Variants in ADAMTS2 observed in about 807,000 individuals in gnomAD.
The protein encoded by ADAMTS2 is ADAM metallopeptidase with thrombospondin type 1 motif 2, also known as A disintegrin and metalloproteinase with thrombospondin motifs 2.
ADAMTS2 carries 50 observed loss-of-function variants against 123.0 expected under a neutral mutation model. The ratio of observed to expected loss-of-function variants is 0.41; its 90% CI spans 0.32 to 0.51. ADAMTS2 has a LOEUF of 0.51. Ranked by LOEUF, ADAMTS2 falls within the 20% of genes least tolerant of loss-of-function variation. The pLI, the probability that ADAMTS2 is intolerant of heterozygous loss-of-function variation, is 0.35. For missense variants in ADAMTS2, 1,494 were observed against 1,705.2 expected (o/e 0.88, Z 2.18); for synonymous variants, 678 against 695.4 (o/e 0.98, Z 0.39).
rs61320168 is a variant in ADAMTS2, at chr5:179,125,743, G to A, written c.2750+255C>T. Among the ~76,000 whole-genome samples the A allele has an allele frequency of 0.019, 2,846 of 152,350 alleles. 86 individuals are homozygous for A. The highest frequency in any genetic ancestry group is 0.063 in the African/African-American group (2,633 of 41,588). ...TACAGGGCCAGGAGGCGAGCCCTGCGCCTCTGAACCCCCATTTCCCCATCT... is the reference window on the plus strand; with the variant it reads ...TACAGGGCCAGGAGGCGAGCCCTGCACCTCTGAACCCCCATTTCCCCATCT... On this transcript the variant is annotated intron_variant, in intron 18 of 21. Coordinates refer to ENST00000251582, the MANE Select transcript of ADAMTS2 (RefSeq NM_014244.5).
At chr5:179,319,989 T>A (rs1757113909) in intron 2 of ADAMTS2, among the ~76,000 whole-genome samples, 1 of 152,312 alleles carries the variant, frequency 6.6e-6, no homozygotes, top group South Asian at 2.1e-4. Context: ...TTCAGGCCAC[T>A]CCTGCTGCCC....
intron 4 of ADAMTS2, among the ~76,000 whole-genome samples, chr5:179,186,976 C>T (rs1009769812): frequency 8.5e-5 from 13 of 152,132 alleles, no homozygotes; most frequent in Non-Finnish European, 1.8e-4. Flanking sequence ...GCCTGGCATT[C>T]GGAGCCCTCT....
At chr5:179,313,943 C>T (rs1228317835) in intron 2 of ADAMTS2, among the ~76,000 whole-genome samples, 3 of 126,260 alleles carry the variant, frequency 2.4e-5, no homozygotes, top group Non-Finnish European at 3.4e-5. Flanking sequence ...GCAGAGGGGA[C>T]GCACACGCAT....
intron 21 of ADAMTS2, chr5:179,120,637 C>G (rs1224702114): frequency 6.6e-6 from 1 of 152,060 alleles, no homozygotes; most frequent in Non-Finnish European, 1.5e-5. Context: ...AGGGGGTCGC[C>G]CCCTGGGTGT....
chr5:179,344,749 T>C (rs1757891510), intron 1 of ADAMTS2, among the ~76,000 whole-genome samples: 1 of 151,994 alleles, frequency 6.6e-6, no homozygotes, highest in South Asian at 2.1e-4. Flanking sequence ...TGGAACAGGG[T>C]CCCTCCGATC....
intron 2 of ADAMTS2, among the ~76,000 whole-genome samples, chr5:179,297,194 A>G (rs1336769810): frequency 6.6e-6 from 1 of 152,166 alleles, no homozygotes; most frequent in Non-Finnish European, 1.5e-5. Flanking sequence ...CCTAGACCAC[A>G]GCAGAGGGGC....
In ADAMTS2 at chr5:179,124,966, T is replaced by C. The variant is rs377461767; in HGVS notation, c.2958+7A>G. 5.0e-5 allele frequency: 80 copies of C among 1,597,092 alleles called. No homozygotes were observed. In the African/African-American group the frequency reaches 9.8e-4, roughly 20 times the overall value. ...AGCTGAGGACACGGGATCGGGGGAT[T>C]GCGTACCTGGGACCAGGGCCCGGCT... On this transcript the variant is annotated splice_region_variant and intron_variant, in intron 19 of 21. Coordinates refer to ENST00000251582, the MANE Select transcript of ADAMTS2 (RefSeq NM_014244.5).
In ADAMTS2 at chr5:179,260,909, C is replaced by T. The variant is rs1050109260; in HGVS notation, c.688+12002G>A. Among the ~76,000 whole-genome samples, 1 of 152,106 alleles carries T rather than the reference C, an allele frequency of 6.6e-6. No individual in the cohort carries two copies. Among genetic ancestry groups the T allele is most frequent in the Admixed American group, 6.5e-5 (1 of 15,276 alleles). On this transcript the variant is annotated intron_variant, in intron 3 of 21. Transcript: ENST00000251582. This position sits in a 1 kb window ranked among gnomAD's most constrained non-coding sequence, Gnocchi z 4.2. ...AGTTTTCTCTCTGCTTCCAGGACTA[C>T]CGTGCCTATTAAATGACACCATGAA... is the stretch of plus-strand genomic sequence containing the variant.
chr5:179,341,543 T>TA (rs71589501), intron 2 of ADAMTS2, among the ~76,000 whole-genome samples: 22,034 of 148,286 alleles, frequency 0.15, 1,844 homozygotes, highest in East Asian at 0.3. Flanking sequence ...TACTAAAAAT[T>TA]AAAAAAAAAA....
intron 3 of ADAMTS2, among the ~76,000 whole-genome samples, chr5:179,247,611 G>A (rs1223531469): frequency 6.6e-6 from 1 of 152,124 alleles, no homozygotes; most frequent in African/African-American, 2.4e-5. Context: ...GACAAAAAGA[G>A]AGTCTTGAAA....
intron 11 of ADAMTS2, among the ~76,000 whole-genome samples, chr5:179,138,871 G>A (rs1420358631): frequency 6.6e-6 from 1 of 152,240 alleles, no homozygotes; most frequent in Non-Finnish European, 1.5e-5. Flanking sequence ...AGGAGCGGCC[G>A]CAGAGGCCGG....
intron 2 of ADAMTS2, among the ~76,000 whole-genome samples, chr5:179,295,298 A>G (rs1242335982): frequency 6.6e-6 from 1 of 152,136 alleles, no homozygotes. Flanking sequence ...CAGTAGGCAG[A>G]CCTGATGGAC....
Position 179,343,929 on chromosome 5 carries a change from C to G in ADAMTS2, c.372G>C (p.Leu124=), listed in dbSNP as rs1757857270. The change falls in exon 2 of 22, where the codon CTG becomes CTC. Residue 124 remains leucine, a synonymous_variant. Coordinates refer to ENST00000251582, the MANE Select transcript of ADAMTS2 (RefSeq NM_014244.5). Reference sequence around the variant, plus strand: ...GCGCCACGAGGCGGGCGTTGGGCCGCAGCCGCAGGTGCAGGTCTCGGCCAA... The same window carrying G: ...GCGCCACGAGGCGGGCGTTGGGCCGGAGCCGCAGGTGCAGGTCTCGGCCAA... ...TVFGRDLHLR[L]RPNARLVAPG... 6.2e-7 allele frequency: 1 copy of G among 1,609,176 alleles called. No individual in the cohort carries two copies. Among genetic ancestry groups the G allele is most frequent in the Admixed American group, 1.7e-5 (1 of 59,266 alleles).
At chr5:179,157,921 AT>A (rs1352272864) in intron 6 of ADAMTS2, among the ~76,000 whole-genome samples, 26 of 151,584 alleles carry the variant, frequency 1.7e-4, no homozygotes, top group African/African-American at 6.3e-4. Flanking sequence ...ATGTGCTACT[AT>A]TTATCAGTTT....
chr5:179,269,578 C>T (rs1224497056), intron 3 of ADAMTS2, among the ~76,000 whole-genome samples: 1 of 152,166 alleles, frequency 6.6e-6, no homozygotes, highest in Non-Finnish European at 1.5e-5. Context: ...TCATCTCTCA[C>T]TGGGTCCCTC....
At chr5:179,330,697 C>A (rs1188498297) in intron 2 of ADAMTS2, among the ~76,000 whole-genome samples, 1 of 152,208 alleles carries the variant, frequency 6.6e-6, no homozygotes, top group Non-Finnish European at 1.5e-5. Context: ...CCTTGCCCAG[C>A]ACACCACCTG....
chr5:179,296,486 G>A (rs894344616), intron 2 of ADAMTS2, among the ~76,000 whole-genome samples: 1 of 152,202 alleles, frequency 6.6e-6, no homozygotes, highest in Non-Finnish European at 1.5e-5. Flanking sequence ...GGAAAGTAAG[G>A]GAGGAGGGAT....
rs1297331680 is a variant in ADAMTS2 at position 179,158,346 on chromosome 5, C to T, written c.1132+377G>A. On this transcript the variant is annotated intron_variant, in intron 6 of 21. Transcript: ENST00000251582. This position sits in a 1 kb window ranked among gnomAD's most constrained non-coding sequence, Gnocchi z 5.0. ...TACGTTATCTTCTTTCATTATTTTGCGTTTCTTATTTAGACCTAAAATCCA... is the reference window on the plus strand; with the variant it reads ...TACGTTATCTTCTTTCATTATTTTGTGTTTCTTATTTAGACCTAAAATCCA... Among the ~76,000 whole-genome samples the T allele has an allele frequency of 6.6e-6, 1 of 152,134 alleles. No individual in the cohort carries two copies. Among genetic ancestry groups the T allele is most frequent in the South Asian group, 2.1e-4 (1 of 4,826 alleles).
chr5:179,156,112 G>A (rs1159981881), intron 6 of ADAMTS2, among the ~76,000 whole-genome samples: 4 of 152,086 alleles, frequency 2.6e-5, no homozygotes, highest in African/African-American at 7.2e-5. Flanking sequence ...ATCTGCCTCC[G>A]TGGGAGGCTT....
Sources: allele counts gnomAD v4.1 joint callset (sites outside exome capture counted in the v4.1 genomes callset), GRCh38; gene constraint gnomAD v4.1.1; non-coding constraint Gnocchi (gnomAD v3.1); transcripts MANE v1.5; gene names NCBI Gene and HGNC (gene_info 2026-07-23, HGNC 2026-07-21).